Variants in ASIC2 observed in about 807,000 individuals in gnomAD.
ASIC2 encodes acid sensing ion channel subunit 2.
A neutral mutation model predicts 57.3 loss-of-function variants in ASIC2; 25 were observed. That is an observed-to-expected ratio of 0.44 (90% CI 0.32 to 0.61). The LOEUF (loss-of-function observed/expected upper bound fraction) is 0.61, where lower values mean the gene tolerates loss of function less well. Ranked by LOEUF, ASIC2 falls within the 20% of genes least tolerant of loss-of-function variation. ASIC2 has a pLI of 0.06. For missense variants in ASIC2, 641 were observed against 738.1 expected (o/e 0.87, Z 1.52); for synonymous variants, 319 against 307.5 (o/e 1.04, Z -0.39).
At chr17:33,897,814 G>T (rs1014280123) in intron 1 of ASIC2, among the ~76,000 whole-genome samples, 18 of 152,230 alleles carry the variant, frequency 1.2e-4, no homozygotes, top group African/African-American at 4.3e-4. Flanking sequence ...TGGGAAAGGG[G>T]CCTGTTGTGT....
At chr17:34,150,670 A>G (rs530566041) in intron 1 of ASIC2, among the ~76,000 whole-genome samples, 1 of 152,338 alleles carries the variant, frequency 6.6e-6, no homozygotes, top group Admixed American at 6.5e-5. Context: ...ATAAACCAAA[A>G]TGCTGTTTAG....
At chr17:33,187,927 G>GAAAAAAAAAAAAAAAGAAAAAAAA (rs1567777987) in intron 1 of ASIC2, among the ~76,000 whole-genome samples, 1 of 138,346 alleles carries the variant, frequency 7.2e-6, no homozygotes, top group African/African-American at 2.7e-5. Context: ...AAGAAAAAAA[G>GAAAAAAAAAAAAAAAGAAAAAAAA]AAAAAAGAAA....
intron 1 of ASIC2, among the ~76,000 whole-genome samples, chr17:33,279,185 T>C (rs1904837452): frequency 6.6e-6 from 1 of 152,006 alleles, no homozygotes; most frequent in Non-Finnish European, 1.5e-5. Flanking sequence ...GGGTGAAGAG[T>C]GAGAAGCAGG....
intron 1 of ASIC2, chr17:33,565,631 C>A (rs762721084): frequency 2.6e-5 from 4 of 152,260 alleles, no homozygotes; most frequent in Non-Finnish European, 4.4e-5. Flanking sequence ...ACTCCACCCT[C>A]AGACTGATCT....
chr17:33,787,844 TG>T (rs1490237952), intron 1 of ASIC2, among the ~76,000 whole-genome samples: 1 of 152,156 alleles, frequency 6.6e-6, no homozygotes, highest in Admixed American at 6.6e-5. Context: ...GATTGGATTA[TG>T]GGGGTGGATT....
At chr17:33,428,608 C>T (rs992804645) in intron 1 of ASIC2, among the ~76,000 whole-genome samples, 1 of 152,076 alleles carries the variant, frequency 6.6e-6, no homozygotes, top group Admixed American at 6.6e-5. Flanking sequence ...AATCAAGTGG[C>T]CTCATTGGAG....
At chr17:33,155,122 C>T (rs750829527) in intron 1 of ASIC2, among the ~76,000 whole-genome samples, 4 of 152,238 alleles carry the variant, frequency 2.6e-5, no homozygotes, top group Non-Finnish European at 5.9e-5. Context: ...AGCCACAGGG[C>T]CTGTGCCTGC....
intron 3 of ASIC2, among the ~76,000 whole-genome samples, chr17:33,050,125 C>T (rs2091969682): frequency 1.3e-5 from 2 of 152,194 alleles, no homozygotes; most frequent in African/African-American, 4.8e-5. Flanking sequence ...GGAACTTCAA[C>T]TGAGACGATG....
intron 3 of ASIC2, among the ~76,000 whole-genome samples, chr17:33,087,860 TACA>T (rs2092141024): frequency 1.3e-5 from 2 of 152,066 alleles, no homozygotes; most frequent in South Asian, 4.2e-4. Flanking sequence ...TGCCCGGCCC[TACA>T]ACAAGTTTTT....
chr17:34,122,199 T>C (rs1376456398), intron 1 of ASIC2, among the ~76,000 whole-genome samples: 1 of 152,212 alleles, frequency 6.6e-6, no homozygotes. Context: ...TTCCTTTTCC[T>C]ACCCACCCTG....
At chr17:33,658,156 A>G (rs2142042836) in intron 1 of ASIC2, among the ~76,000 whole-genome samples, 1 of 152,190 alleles carries the variant, frequency 6.6e-6, no homozygotes, top group South Asian at 2.1e-4. Flanking sequence ...CCAATTTGCT[A>G]CTCCTTAGAA....
At chr17:33,226,049 T>C (rs1281411936) in intron 1 of ASIC2, among the ~76,000 whole-genome samples, 2 of 152,194 alleles carry the variant, frequency 1.3e-5, no homozygotes, top group Non-Finnish European at 2.9e-5. Context: ...GAGGCACTTG[T>C]GGTCTACTAG....
chr17:33,161,225 G>A (rs1356084521), intron 1 of ASIC2, among the ~76,000 whole-genome samples: 2 of 152,174 alleles, frequency 1.3e-5, no homozygotes, highest in African/African-American at 4.8e-5. Context: ...TGAGTAAGAG[G>A]ACTAAGGTTT....
At chr17:33,293,523 A>G (rs1205688155), upstream of ASIC2, among the ~76,000 whole-genome samples, 3 of 152,106 alleles carry the variant, frequency 2.0e-5, no homozygotes, top group African/African-American at 7.2e-5. Context: ...TGTGGGAGAG[A>G]TAAGTAGTAT....
At chr17:33,852,795 A>C (rs1341507535) in intron 1 of ASIC2, among the ~76,000 whole-genome samples, 2 of 152,112 alleles carry the variant, frequency 1.3e-5, no homozygotes, top group Non-Finnish European at 2.9e-5. Flanking sequence ...TGTCTTTCCC[A>C]TTGGCTCAGG....
At chr17:33,904,638 C>G (rs1179555233) in intron 1 of ASIC2, among the ~76,000 whole-genome samples, 1 of 152,142 alleles carries the variant, frequency 6.6e-6, no homozygotes, top group Non-Finnish European at 1.5e-5. Context: ...CCACTTTGAG[C>G]CTTTCCACAG....
At chr17:33,285,236 T>A (rs7210148) in intron 1 of ASIC2, among the ~76,000 whole-genome samples, 48,072 of 152,120 alleles carry the variant, frequency 0.32, 7,899 homozygotes, top group African/African-American at 0.41. Flanking sequence ...ATGTTGGTCA[T>A]TTTGGATATC....
chr17:33,850,204 T>C (rs962278527), intron 1 of ASIC2, among the ~76,000 whole-genome samples: 2 of 152,180 alleles, frequency 1.3e-5, no homozygotes, highest in African/African-American at 2.4e-5. Flanking sequence ...GAAGGGACCA[T>C]GGGAGTGATG....
At chr17:33,456,750 A>G (rs1912465468) in intron 1 of ASIC2, among the ~76,000 whole-genome samples, 1 of 152,180 alleles carries the variant, frequency 6.6e-6, no homozygotes, top group African/African-American at 2.4e-5. Flanking sequence ...GCACTGGAGT[A>G]TTGTAGAAAA....
Sources: gnomAD v4.1 joint callset for allele counts (sites outside exome capture counted in the v4.1 genomes callset) on GRCh38, gnomAD v4.1.1 for gene constraint, MANE v1.5 for transcripts, NCBI Gene and HGNC (gene_info 2026-07-23, HGNC 2026-07-21) for gene names.